Variants in NRTN observed in about 807,000 individuals in gnomAD.
The protein encoded by NRTN is prepro-neurturin.
In NRTN, 3 loss-of-function variants were observed where a neutral mutation model predicts 7.5. The ratio of observed to expected loss-of-function variants is 0.40; its 90% confidence interval spans 0.18 to 1.03. The LOEUF is 1.03. NRTN is among the 50% of genes least tolerant of loss of function. The probability of loss-of-function intolerance (pLI) is 0.34; values close to 1 mark genes in which losing one functional copy is unlikely to be tolerated. For synonymous variants in NRTN, 157 were observed against 146.6 expected (o/e 1.07, Z -0.51); for missense variants, 310 against 307.0 (o/e 1.01, Z -0.07).
At chr19:5,809,828 C>T (rs530829034) in intron 1 of NRTN, among the ~76,000 whole-genome samples, 1 of 152,152 alleles carries the variant, frequency 6.6e-6, no homozygotes, top group Non-Finnish European at 1.5e-5. Context: ...GGTCCTACGC[C>T]CCTCTCTCAC....
Position 5,827,314 on chromosome 19 carries a change from G to A in NRTN, c.170-435G>A, listed in dbSNP as rs74501640. 4.6e-3 allele frequency among the ~76,000 whole-genome samples: 700 copies of A among 152,138 alleles called. 7 individuals are homozygous for A. Among genetic ancestry groups the A allele is most frequent in the African/African-American group, 0.016 (662 of 41,500 alleles). ...TGCACCAGTGTCCTGGGGCAGCCCAGCATAGGGGCGGGGTCCAGATAGATT... is the reference window on the plus strand; with the variant it reads ...TGCACCAGTGTCCTGGGGCAGCCCAACATAGGGGCGGGGTCCAGATAGATT... On this transcript the variant is annotated intron_variant, in intron 2 of 2. Transcript: ENST00000303212.
At position 5,828,304 on chromosome 19, in the gene NRTN, A is replaced by C. The variant is rs2057057622; in HGVS notation, c.*131A>C. 3 of 1,047,484 alleles carry C rather than the reference A, an allele frequency of 2.9e-6. No individual in the cohort carries two copies. The highest frequency in any genetic ancestry group is 1.7e-5 in the South Asian group (1 of 57,350). The allele number at this position is 1,047,484 out of a possible 1,614,324, so 64.9% of individuals were successfully genotyped here. On this transcript the variant is annotated 3_prime_UTR_variant, in exon 3 of 3. Coordinates refer to ENST00000303212, the MANE Select transcript of NRTN (RefSeq NM_004558.5). Reference sequence around the variant, plus strand: ...CGGGACTCTCGCGATAACTGTACTGAGATAAAGTGTGGCAACTCGAGCTGG... The same window carrying C: ...CGGGACTCTCGCGATAACTGTACTGCGATAAAGTGTGGCAACTCGAGCTGG...
Position 5,828,210 on chromosome 19 carries a change from C to G in NRTN, c.*37C>G, listed in dbSNP as rs762870105. 10 of 1,526,064 alleles carry G rather than the reference C, an allele frequency of 6.6e-6. No individual in the cohort carries two copies. Among genetic ancestry groups the G allele is most frequent in the Admixed American group, 6.0e-5 (3 of 50,380 alleles). 94.5% of individuals were successfully genotyped at this position (1,526,064 alleles called of 1,614,324 possible). On this transcript the variant is annotated 3_prime_UTR_variant, in exon 3 of 3. Coordinates refer to ENST00000303212, the MANE Select transcript of NRTN (RefSeq NM_004558.5). ...TCGGCCGGCGCGGCGGCCACTCCCC[C>G]CGCCTCGACGGCACCACTGGCCGGC...
At position 5,823,825 on chromosome 19, in the gene NRTN, C is replaced by T. The variant is rs963179558; in HGVS notation, c.-341C>T. The T allele has an allele frequency of 3.2e-5, 14 of 444,016 alleles. No homozygotes were observed. The highest frequency in any genetic ancestry group is 1.4e-4 in the African/African-American group (7 of 50,244). The allele number at this position is 444,016 out of a possible 1,614,324, so 27.5% of individuals were successfully genotyped here. On this transcript the variant is annotated 5_prime_UTR_variant, in exon 2 of 3. Transcript: ENST00000303212. ...GGATACGCCACACTCAGTCTGGCCT[C>T]GGGGCCTTTGCACTGGCTGTGTCCC... is the stretch of plus-strand genomic sequence containing the variant.
At chr19:5,822,665 T>A (rs904949794) in intron 1 of NRTN, among the ~76,000 whole-genome samples, 10 of 152,058 alleles carry the variant, frequency 6.6e-5, no homozygotes, top group African/African-American at 2.2e-4. Context: ...TAGGCAGCCA[T>A]GGAAGGCTCC....
At chr19:5,822,329 G>A (rs1211697091) in intron 1 of NRTN, among the ~76,000 whole-genome samples, 1 of 152,206 alleles carries the variant, frequency 6.6e-6, no homozygotes, top group Non-Finnish European at 1.5e-5. Flanking sequence ...CGGAGGTGCT[G>A]ACCCGCATCC....
At chr19:5,805,836 G>A (rs2056973637) in intron 1 of NRTN, among the ~76,000 whole-genome samples, 1 of 152,068 alleles carries the variant, frequency 6.6e-6, no homozygotes, top group Non-Finnish European at 1.5e-5. Flanking sequence ...GGTCTCCAAG[G>A]GGCCGTTGGG....
intron 2 of NRTN, among the ~76,000 whole-genome samples, chr19:5,825,186 G>A (rs1456758745): frequency 6.6e-6 from 1 of 152,092 alleles, no homozygotes. Context: ...GGGCAAAAGT[G>A]CTGCTATAGG....
At chr19:5,807,909 C>G (rs1246771684) in intron 1 of NRTN, among the ~76,000 whole-genome samples, 1 of 152,160 alleles carries the variant, frequency 6.6e-6, no homozygotes, top group Non-Finnish European at 1.5e-5. Context: ...ATAGCAAGAC[C>G]CCCTCTCTAC....
chr19:5,817,966 A>AT (rs2057011371), intron 1 of NRTN, among the ~76,000 whole-genome samples: 3 of 146,386 alleles, frequency 2.0e-5, no homozygotes, highest in African/African-American at 5.1e-5. Flanking sequence ...CACCCGGCTA[A>AT]TTTTTTTTCT....
At chr19:5,818,003 G>A (rs904735613) in intron 1 of NRTN, among the ~76,000 whole-genome samples, 1 of 147,632 alleles carries the variant, frequency 6.8e-6, no homozygotes, top group African/African-American at 2.5e-5. Flanking sequence ...TCGCTCTGTC[G>A]CTCAGGCTGG....
At chr19:5,813,642 C>T in intron 1 of NRTN, among the ~76,000 whole-genome samples, 1 of 150,820 alleles carries the variant, frequency 6.6e-6, no homozygotes, top group South Asian at 2.1e-4. Flanking sequence ...CCACTGCACT[C>T]CAGCCTCCAG....
intron 1 of NRTN, among the ~76,000 whole-genome samples, chr19:5,823,381 C>T (rs570531484): frequency 1.3e-5 from 2 of 152,234 alleles, no homozygotes; most frequent in African/African-American, 4.8e-5. Flanking sequence ...TGCGCCACTG[C>T]ACTCCAGCCT....
In NRTN at chr19:5,823,949, A is replaced by AGAT. The variant is rs1281475704; in HGVS notation, c.-215_-213dup. The AGAT allele has an allele frequency of 1.6e-6, 1 of 639,002 alleles. No individual in the cohort carries two copies. Among genetic ancestry groups the AGAT allele is most frequent in the Non-Finnish European group, 2.7e-6 (1 of 364,188 alleles). The allele number at this position is 639,002 out of a possible 1,614,324, so 39.6% of individuals were successfully genotyped here. On this transcript the variant is annotated 5_prime_UTR_variant, in exon 2 of 3. In the 5' UTR this introduces an upstream ATG that the reference lacks. Transcript: ENST00000303212. Reference sequence around the variant, plus strand: ...CTCAGGAAGGCACTCCGGGACCCCCAGATGGGGGCGGTTCCCTGTGACTCC... The same window carrying AGAT: ...CTCAGGAAGGCACTCCGGGACCCCCAGATGATGGGGGCGGTTCCCTGTGACTCC...
intron 1 of NRTN, among the ~76,000 whole-genome samples, chr19:5,807,686 T>C (rs2056978498): frequency 6.6e-6 from 1 of 152,230 alleles, no homozygotes; most frequent in Non-Finnish European, 1.5e-5. Context: ...CATGTGGCCC[T>C]CACTTCCCAA....
chr19:5,805,264 C>T lies in NRTN; in HGVS notation c.-586C>T, dbSNP rs2056971569. ...CCGCCGGCCCGGGATGGCCGCAGCCCGCGGCTAAGCGAGCCCGGGGGGCCC... is the reference window on the plus strand; with the variant it reads ...CCGCCGGCCCGGGATGGCCGCAGCCTGCGGCTAAGCGAGCCCGGGGGGCCC... On this transcript the variant is annotated 5_prime_UTR_variant, in exon 1 of 3. Transcript: ENST00000303212. Among the ~76,000 whole-genome samples, 1 of 111,842 alleles carries T rather than the reference C, an allele frequency of 8.9e-6. No individual in the cohort carries two copies. The highest frequency in any genetic ancestry group is 1.9e-5 in the Non-Finnish European group (1 of 53,324). The allele number at this position is 111,842 out of a possible 152,430, so 73.4% of individuals were successfully genotyped here.
intron 1 of NRTN, among the ~76,000 whole-genome samples, chr19:5,814,933 G>T (rs2057000404): frequency 6.6e-6 from 1 of 152,198 alleles, no homozygotes; most frequent in Non-Finnish European, 1.5e-5. Context: ...TTTTCTCCAG[G>T]ACTGGGAAGG....
rs2056989476 is a variant in NRTN, at chr19:5,811,136, G to A, written c.-399+5685G>A. ...CACCTGTAATCCCAGCTACTCAGGA[G>A]GCTGAGGCAGGAGAACCGCTTGAAC... On this transcript the variant is annotated intron_variant, in intron 1 of 2. Transcript: ENST00000303212. Among the ~76,000 whole-genome samples, 4 of 152,084 alleles carry A rather than the reference G, an allele frequency of 2.6e-5. No homozygotes were observed. In the South Asian group the frequency reaches 6.2e-4, roughly 24 times the overall value.
chr19:5,809,210 G>A (rs575900962), intron 1 of NRTN, among the ~76,000 whole-genome samples: 27 of 143,750 alleles, frequency 1.9e-4, no homozygotes, highest in Admixed American at 1.1e-3. Context: ...TTGCTCTGTC[G>A]CCCAGACTAG....
Sources: gnomAD v4.1 joint callset for allele counts (sites outside exome capture counted in the v4.1 genomes callset) on GRCh38, gnomAD v4.1.1 for gene constraint, MANE v1.5 for transcripts, NCBI Gene and HGNC (gene_info 2026-07-23, HGNC 2026-07-21) for gene names.